ARB2A: variants seen among roughly 807,000 people sequenced by gnomAD.
The protein encoded by ARB2A is cotranscriptional regulator ARB2A.
At chr5:94,059,160 AG>A in the ARB2A span, among the ~76,000 whole-genome samples, 2 of 151,556 alleles carry the variant, frequency 1.3e-5, no homozygotes, top group Admixed American at 6.6e-5. Flanking sequence ...CAAACACAGG[AG>A]GGAGACTGAG....
chr5:93,869,373 T>G, the ARB2A span, among the ~76,000 whole-genome samples: 1 of 152,164 alleles, frequency 6.6e-6, no homozygotes, highest in African/African-American at 2.4e-5. Context: ...AATATTATCT[T>G]AGACAAAAAA....
the ARB2A span, among the ~76,000 whole-genome samples, chr5:93,785,741 A>G: frequency 3.3e-5 from 5 of 152,182 alleles, no homozygotes; most frequent in African/African-American, 9.6e-5. Flanking sequence ...TAATATAAAA[A>G]TCTTAAAATC....
the ARB2A span, among the ~76,000 whole-genome samples, chr5:94,043,198 A>G: frequency 2.6e-5 from 4 of 152,156 alleles, no homozygotes; most frequent in Admixed American, 2.0e-4. Context: ...GTGTTCCTGA[A>G]TATCAAGCAG....
the ARB2A span, among the ~76,000 whole-genome samples, chr5:93,778,379 T>C: frequency 3.9e-5 from 6 of 152,208 alleles, no homozygotes; most frequent in Non-Finnish European, 8.8e-5. Flanking sequence ...GACACTTGCT[T>C]GTAAGAAATA....
the ARB2A span, among the ~76,000 whole-genome samples, chr5:93,873,589 A>G: frequency 6.6e-6 from 1 of 152,348 alleles, no homozygotes; most frequent in Admixed American, 6.5e-5. Flanking sequence ...TTTAAAATTA[A>G]TCAGGCTTGA....
the ARB2A span, among the ~76,000 whole-genome samples, chr5:93,806,224 C>G: frequency 1.4e-4 from 22 of 151,896 alleles, no homozygotes; most frequent in Admixed American, 1.2e-3. Flanking sequence ...AAGAGCTGTT[C>G]TTAAGTACTT....
chr5:93,637,801 C>A, the ARB2A span, among the ~76,000 whole-genome samples: 112 of 152,308 alleles, frequency 7.4e-4, 2 homozygotes, highest in Non-Finnish European at 2.4e-4. Flanking sequence ...AGAGGTCTGG[C>A]CTTTGCCCTC....
At chr5:93,842,360 C>T in the ARB2A span, among the ~76,000 whole-genome samples, 1 of 152,182 alleles carries the variant, frequency 6.6e-6, no homozygotes, top group Non-Finnish European at 1.5e-5. Context: ...GGGACAGAGT[C>T]AGTCTGGCCT....
the ARB2A span, among the ~76,000 whole-genome samples, chr5:93,765,799 T>G: frequency 6.6e-6 from 1 of 152,158 alleles, no homozygotes; most frequent in African/African-American, 2.4e-5. Flanking sequence ...ACTACAAGGC[T>G]ATGGTAACCA....
chr5:93,691,429 G>A, the ARB2A span, among the ~76,000 whole-genome samples: 2 of 151,522 alleles, frequency 1.3e-5, no homozygotes, highest in Non-Finnish European at 2.9e-5. Flanking sequence ...AGGATATCAG[G>A]GATTGAACAT....
At chr5:94,063,086 G>C in the ARB2A span, among the ~76,000 whole-genome samples, 1 of 152,164 alleles carries the variant, frequency 6.6e-6, no homozygotes, top group Non-Finnish European at 1.5e-5. Context: ...GCCCATACTT[G>C]AGCATTCCAC....
the ARB2A span, among the ~76,000 whole-genome samples, chr5:93,977,711 G>C: frequency 6.6e-6 from 1 of 152,034 alleles, no homozygotes; most frequent in East Asian, 1.9e-4. Context: ...CCTAAGCAAA[G>C]AATTTATGAC....
At chr5:93,912,706 T>G in the ARB2A span, among the ~76,000 whole-genome samples, 1 of 151,886 alleles carries the variant, frequency 6.6e-6, no homozygotes, top group African/African-American at 2.4e-5. Context: ...CCATACTTGC[T>G]AAAAAATTTA....
the ARB2A span, among the ~76,000 whole-genome samples, chr5:94,099,646 A>C: frequency 2.0e-5 from 3 of 150,918 alleles, no homozygotes; most frequent in Admixed American, 1.3e-4. Flanking sequence ...AAAAAAAAAA[A>C]AAAAACCGAA....
the ARB2A span, among the ~76,000 whole-genome samples, chr5:93,669,908 C>G: frequency 6.6e-6 from 1 of 152,150 alleles, no homozygotes; most frequent in Non-Finnish European, 1.5e-5. Flanking sequence ...TCTCTCTGAT[C>G]TCTAGACTAT....
At chr5:93,851,870 T>C in the ARB2A span, among the ~76,000 whole-genome samples, 3 of 152,188 alleles carry the variant, frequency 2.0e-5, no homozygotes, top group Non-Finnish European at 4.4e-5. Context: ...ACATTTGGGT[T>C]GGTTCCAAGT....
chr5:93,648,763 C>T, the ARB2A span, among the ~76,000 whole-genome samples: 2 of 152,202 alleles, frequency 1.3e-5, no homozygotes, highest in African/African-American at 2.4e-5. Context: ...TCTGGCTACC[C>T]TATCAATATG....
chr5:93,782,555 C>A, the ARB2A span, among the ~76,000 whole-genome samples: 1 of 152,188 alleles, frequency 6.6e-6, no homozygotes, highest in Middle Eastern at 3.4e-3. Flanking sequence ...AATAGGCAAA[C>A]CATTCATAAA....
At chr5:93,821,700 T>C in the ARB2A span, among the ~76,000 whole-genome samples, 1 of 152,092 alleles carries the variant, frequency 6.6e-6, no homozygotes, top group South Asian at 2.1e-4. Context: ...AACAATACTA[T>C]ATTTTAGAAA....
Sources: gnomAD v4.1 joint callset for allele counts (sites outside exome capture counted in the v4.1 genomes callset) on GRCh38, gnomAD v4.1.1 for gene constraint, MANE v1.5 for transcripts, NCBI Gene and HGNC (gene_info 2026-07-23, HGNC 2026-07-21) for gene names.